Variants in PPARGC1A observed in about 807,000 individuals in gnomAD.
PPARGC1A encodes peroxisome proliferator-activated receptor gamma coactivator 1-alpha.
Under a neutral mutation model 88.7 loss-of-function variants are expected in PPARGC1A, and 25 were observed. The observed-to-expected ratio is 0.28, with a 90% CI of 0.21 to 0.39. The LOEUF is 0.39. Ranked by LOEUF, PPARGC1A falls within the 10% of genes least tolerant of loss-of-function variation. PPARGC1A has a pLI of 1.00. For missense variants in PPARGC1A, 880 were observed against 968.7 expected, an observed-to-expected ratio of 0.91 and a Z score of 1.22; for synonymous variants, 363 against 355.6, an observed-to-expected ratio of 1.02 and a Z score of -0.24.
At chr4:24,202,115 T>G in the PPARGC1A span, among the ~76,000 whole-genome samples, 2 of 152,238 alleles carry the variant, frequency 1.3e-5, no homozygotes, top group African/African-American at 4.8e-5. Context: ...TTGGCCCAAG[T>G]GATCCACCCG....
chr4:24,102,741 T>C, the PPARGC1A span, among the ~76,000 whole-genome samples: 2 of 152,146 alleles, frequency 1.3e-5, no homozygotes, highest in Non-Finnish European at 1.5e-5. Flanking sequence ...TGGCAGGGAT[T>C]GTGGGCTGCT....
chr4:24,065,725 G>A, the PPARGC1A span, among the ~76,000 whole-genome samples: 1 of 152,174 alleles, frequency 6.6e-6, no homozygotes, highest in African/African-American at 2.4e-5. Flanking sequence ...AAGGCTCTGT[G>A]AAGTCTGAGA....
chr4:24,276,943 C>T, the PPARGC1A span, among the ~76,000 whole-genome samples: 1 of 152,182 alleles, frequency 6.6e-6, no homozygotes, highest in Non-Finnish European at 1.5e-5. Context: ...CGTCAGGCAC[C>T]TCAGCTCCAT....
At chr4:24,455,481 G>GA in the PPARGC1A span, among the ~76,000 whole-genome samples, 950 of 152,222 alleles carry the variant, frequency 6.2e-3, 10 homozygotes, top group African/African-American at 0.021. Context: ...GCAAGTCTCT[G>GA]AAAAAAATTA....
At chr4:24,461,566 A>G in the PPARGC1A span, among the ~76,000 whole-genome samples, 1 of 152,060 alleles carries the variant, frequency 6.6e-6, no homozygotes, top group Middle Eastern at 3.2e-3. Context: ...ATATCTATTC[A>G]TATGCACGCA....
the PPARGC1A span, among the ~76,000 whole-genome samples, chr4:23,966,771 G>C: frequency 6.6e-6 from 1 of 152,180 alleles, no homozygotes; most frequent in Non-Finnish European, 1.5e-5. Flanking sequence ...TTTTAGACCA[G>C]GCATTGTGGC....
At chr4:23,990,550 T>A in the PPARGC1A span, among the ~76,000 whole-genome samples, 1 of 152,080 alleles carries the variant, frequency 6.6e-6, no homozygotes, top group African/African-American at 2.4e-5. Context: ...TCTCCCATTT[T>A]ATCACCGTAA....
At chr4:24,096,056 G>A in the PPARGC1A span, among the ~76,000 whole-genome samples, 40 of 152,288 alleles carry the variant, frequency 2.6e-4, no homozygotes. Context: ...GGCCTGGTAG[G>A]AGGTGATTGG....
chr4:24,008,601 C>T, the PPARGC1A span, among the ~76,000 whole-genome samples: 1 of 152,068 alleles, frequency 6.6e-6, no homozygotes, highest in Non-Finnish European at 1.5e-5. Flanking sequence ...TATAATTCAC[C>T]CCATGATAAC....
the PPARGC1A span, among the ~76,000 whole-genome samples, chr4:24,066,982 T>C: frequency 6.6e-6 from 1 of 151,762 alleles, no homozygotes; most frequent in Middle Eastern, 3.4e-3. Context: ...TGTGTTTTAA[T>C]TGCCTTATGA....
the PPARGC1A span, among the ~76,000 whole-genome samples, chr4:24,209,385 T>C: frequency 2.0e-5 from 3 of 152,194 alleles, no homozygotes; most frequent in Non-Finnish European, 4.4e-5. Context: ...TTTCTCCCTG[T>C]TCCTCAGCAG....
At chr4:24,163,000 A>G in the PPARGC1A span, among the ~76,000 whole-genome samples, 1 of 151,926 alleles carries the variant, frequency 6.6e-6, no homozygotes, top group Non-Finnish European at 1.5e-5. Flanking sequence ...AACAAACACC[A>G]AGTATTTTTT....
the PPARGC1A span, among the ~76,000 whole-genome samples, chr4:23,916,872 G>A: frequency 6.6e-6 from 1 of 152,176 alleles, no homozygotes; most frequent in Non-Finnish European, 1.5e-5. Flanking sequence ...GTGGTGCTTC[G>A]ATCTAATTGT....
chr4:24,055,693 G>A, the PPARGC1A span, among the ~76,000 whole-genome samples: 1 of 152,224 alleles, frequency 6.6e-6, no homozygotes, highest in Non-Finnish European at 1.5e-5. Flanking sequence ...GAGCTTCAGT[G>A]GGCTGCCCCA....
intron 2 of PPARGC1A, among the ~76,000 whole-genome samples, chr4:23,851,499 G>C (rs1391521632): frequency 6.6e-6 from 1 of 152,116 alleles, no homozygotes; most frequent in East Asian, 1.9e-4. Flanking sequence ...TTATATTTGA[G>C]GCTGAGCACA....
upstream of PPARGC1A, among the ~76,000 whole-genome samples, chr4:23,909,078 G>A (rs371899431): frequency 8.3e-4 from 126 of 152,302 alleles, 2 homozygotes; most frequent in South Asian, 0.023. Flanking sequence ...CATTGAAGGA[G>A]AAGTGGTGGG....
At chr4:23,809,195 A>C (rs1488418296) in intron 10 of PPARGC1A, among the ~76,000 whole-genome samples, 1 of 152,186 alleles carries the variant, frequency 6.6e-6, no homozygotes, top group African/African-American at 2.4e-5. Flanking sequence ...TTTTCAAATC[A>C]GTTAAAAATC....
the PPARGC1A span, among the ~76,000 whole-genome samples, chr4:24,401,235 G>T: frequency 6.6e-6 from 1 of 151,748 alleles, no homozygotes; most frequent in South Asian, 2.1e-4. Context: ...AGCCAGGATG[G>T]TCTCGATCTC....
chr4:24,303,259 T>C, the PPARGC1A span, among the ~76,000 whole-genome samples: 1 of 151,720 alleles, frequency 6.6e-6, no homozygotes, highest in Non-Finnish European at 1.5e-5. Flanking sequence ...AGTTGCAAAG[T>C]AAAAAAAATA....
Sources: allele counts gnomAD v4.1 joint callset (sites outside exome capture counted in the v4.1 genomes callset), GRCh38; gene constraint gnomAD v4.1.1; transcripts MANE v1.5; gene names NCBI Gene and HGNC (gene_info 2026-07-23, HGNC 2026-07-21).